DTWD1: variants seen among roughly 807,000 people sequenced by gnomAD.
The protein encoded by DTWD1 is tRNA-uridine aminocarboxypropyltransferase 1.
Under a neutral mutation model 30.2 loss-of-function variants are expected in DTWD1, and 27 were observed. The ratio of observed to expected loss-of-function variants is 0.90; its 90% CI spans 0.66 to 1.23. The LOEUF (loss-of-function observed/expected upper bound fraction) is 1.23, where lower values mean the gene tolerates loss of function less well. DTWD1 is among the 50% of genes most tolerant of loss of function. The probability of loss-of-function intolerance (pLI) is 0.00; values close to 1 mark genes in which losing one functional copy is unlikely to be tolerated. For missense variants in DTWD1, 342 were observed against 348.8 expected (o/e 0.98, Z 0.15); for synonymous variants, 99 against 113.1 (o/e 0.88, Z 0.79).
At chr15:49,624,605 C>T (rs1022418648) in intron 1 of DTWD1, among the ~76,000 whole-genome samples, 1 of 151,882 alleles carries the variant, frequency 6.6e-6, no homozygotes, top group Non-Finnish European at 1.5e-5. Context: ...TAGTAGATGC[C>T]TCTTATTTTT....
rs1222514505 is a variant in DTWD1 at position 49,645,854 on chromosome 15, T to C, written c.*2276T>C. 6.6e-6 allele frequency: 1 copy of C among 152,184 alleles called. No individual in the cohort carries two copies. The highest frequency in any genetic ancestry group is 1.5e-5 in the Non-Finnish European group (1 of 68,038). The allele number at this position is 152,184 out of a possible 1,614,324, so 9.4% of individuals were successfully genotyped here. On this transcript the variant is annotated 3_prime_UTR_variant, in exon 5 of 5. Coordinates refer to ENST00000403028, the MANE Select transcript of DTWD1 (RefSeq NM_001144955.2). ...TATTAGAACAATGAATTGACTATAC[T>C]TGTCTTAGTTTTTTTTGTTTGTTTT...
At chr15:49,634,420 C>A in intron 3 of DTWD1, 116 bp from the exon 4 acceptor site, 1 of 1,219,622 alleles carries the variant, frequency 8.2e-7, no homozygotes, top group Non-Finnish European at 1.1e-6. Context: ...TAGAACCAAC[C>A]TAATGCTTAT....
chr15:49,631,093 T>A (rs1266312882), intron 2 of DTWD1: 1 of 291,622 alleles, frequency 3.4e-6, no homozygotes, highest in African/African-American at 2.2e-5. Context: ...TATATTATAA[T>A]GTAATAATAA....
intron 4 of DTWD1, among the ~76,000 whole-genome samples, chr15:49,636,131 A>T (rs2078999387): frequency 6.6e-6 from 1 of 152,146 alleles, no homozygotes; most frequent in Admixed American, 6.5e-5. Flanking sequence ...TGGCTTTCTC[A>T]CACAAAATAA....
Position 49,634,796 on chromosome 15 carries a change from T to TAA in DTWD1, c.667+11_667+12dup. On this transcript the variant is annotated splice_region_variant and intron_variant, in intron 4 of 4. Coordinates refer to ENST00000403028, the MANE Select transcript of DTWD1 (RefSeq NM_001144955.2). Reference sequence around the variant, plus strand: ...TATTCACTGATGAGCGACTTCAAGGTAAAAAAAAAATGTTTTTTTGGACTG... The same window carrying TAA: ...TATTCACTGATGAGCGACTTCAAGGTAAAAAAAAAAAATGTTTTTTTGGACTG... The TAA allele has an allele frequency of 1.4e-6, 2 of 1,443,138 alleles. No homozygotes were observed. The highest frequency in any genetic ancestry group is 1.4e-5 in the South Asian group (1 of 71,684). The allele number at this position is 1,443,138 out of a possible 1,614,324, so 89.4% of individuals were successfully genotyped here.
chr15:49,621,798 A>T lies in DTWD1; in HGVS notation c.-56+676A>T, dbSNP rs547338180. Among the ~76,000 whole-genome samples, 70 of 152,264 alleles carry T rather than the reference A, an allele frequency of 4.6e-4. 1 individual carries two copies. Among genetic ancestry groups the T allele is most frequent in the Admixed American group, 3.6e-3 (55 of 15,300 alleles). ...TGGTGTGGGAGAGGCCATTGATCCT[A>T]TATGAAAAAGGGTACTACTACCTTG... is the stretch of plus-strand genomic sequence containing the variant. On this transcript the variant is annotated intron_variant, in intron 1 of 4. Coordinates refer to ENST00000403028, the MANE Select transcript of DTWD1 (RefSeq NM_001144955.2).
At position 49,644,471 on chromosome 15, in the gene DTWD1, C is replaced by T. The variant is rs1289162633; in HGVS notation, c.*893C>T. ...TGCTTGTGAATAGAGCCCTACTGTG[C>T]TGAATAGCTTCTGTCTGCTCTTTTC... On this transcript the variant is annotated 3_prime_UTR_variant, in exon 5 of 5. Coordinates refer to ENST00000403028, the MANE Select transcript of DTWD1 (RefSeq NM_001144955.2). The T allele has an allele frequency of 6.6e-6, 1 of 152,176 alleles. No homozygotes were observed. Among genetic ancestry groups the T allele is most frequent in the East Asian group, 1.9e-4 (1 of 5,180 alleles). 9.4% of individuals were successfully genotyped at this position (152,176 alleles called of 1,614,324 possible).
At chr15:49,629,350 TAAAA>T (rs879398105) in intron 2 of DTWD1, among the ~76,000 whole-genome samples, 2 of 152,108 alleles carry the variant, frequency 1.3e-5, no homozygotes, top group African/African-American at 4.8e-5. Flanking sequence ...ATCATATAAT[TAAAA>T]AAATAGGCTA....
At chr15:49,626,402 G>A (rs1328434247) in intron 2 of DTWD1, among the ~76,000 whole-genome samples, 5 of 151,954 alleles carry the variant, frequency 3.3e-5, no homozygotes, top group African/African-American at 7.3e-5. Flanking sequence ...TTTTAAGCCC[G>A]ATTTGATTGC....
At position 49,625,387 on chromosome 15, in the gene DTWD1, G is replaced by A; in HGVS notation, c.220G>A (p.Val74Ile). The A allele has an allele frequency of 6.2e-7, 1 of 1,613,734 alleles. No individual in the cohort carries two copies. Among genetic ancestry groups the A allele is most frequent in the Middle Eastern group, 1.7e-4 (1 of 6,058 alleles). The change falls in exon 2 of 5, where the codon GTT (valine) becomes ATT (isoleucine). Residue 74 changes from valine (V) to isoleucine (I), a missense_variant. Coordinates refer to ENST00000403028, the MANE Select transcript of DTWD1 (RefSeq NM_001144955.2). ...AATGTTCTACTGCTATACATGTTAT[G>A]TTCCAGTTGAAAATGTACCTATTGA... ...SRMFYCYTCY[V>I]PVENVPIEQI...
At position 49,644,660 on chromosome 15, in the gene DTWD1, T is replaced by C. The variant is rs1250854057; in HGVS notation, c.*1082T>C. On this transcript the variant is annotated 3_prime_UTR_variant, in exon 5 of 5. Coordinates refer to ENST00000403028, the MANE Select transcript of DTWD1 (RefSeq NM_001144955.2). ...CTGCCATGTCATCATCAGTTGGCTGTGTTCCTCTACTAAATAGTACCTTAT... is the reference window on the plus strand; with the variant it reads ...CTGCCATGTCATCATCAGTTGGCTGCGTTCCTCTACTAAATAGTACCTTAT... The C allele has an allele frequency of 1.3e-5, 2 of 152,190 alleles. No homozygotes were observed. Among genetic ancestry groups the C allele is most frequent in the Non-Finnish European group, 2.9e-5 (2 of 68,058 alleles). The allele number at this position is 152,190 out of a possible 1,614,324, so 9.4% of individuals were successfully genotyped here.
At chr15:49,633,060 T>TATATATATATAG (rs963346962) in intron 3 of DTWD1, among the ~76,000 whole-genome samples, 21 of 146,246 alleles carry the variant, frequency 1.4e-4, no homozygotes, top group South Asian at 2.1e-4. Context: ...TATATATATA[T>TATATATATATAG]ATATATATAT....
intron 2 of DTWD1, among the ~76,000 whole-genome samples, chr15:49,631,598 A>G (rs776595227): frequency 6.6e-6 from 1 of 152,048 alleles, no homozygotes; most frequent in African/African-American, 2.4e-5. Context: ...ACCTGTCTCT[A>G]CTAAAAAAAT....
In DTWD1 at chr15:49,646,658, G is replaced by A. The variant is rs188844440; in HGVS notation, c.*3080G>A. 20 of 152,254 alleles carry A rather than the reference G, an allele frequency of 1.3e-4. No individual in the cohort carries two copies. Among genetic ancestry groups the A allele is most frequent in the Admixed American group, 7.2e-4 (11 of 15,282 alleles). The allele number at this position is 152,254 out of a possible 1,614,324, so 9.4% of individuals were successfully genotyped here. On this transcript the variant is annotated 3_prime_UTR_variant, in exon 5 of 5. Coordinates refer to ENST00000403028, the MANE Select transcript of DTWD1 (RefSeq NM_001144955.2). The stretch of plus-strand genomic sequence containing the variant: ...TGCTCTTCTTCTGATGGACTGTATA[G>A]AGACACTGTTTTTCATCTTGCCTGT...
Position 49,645,226 on chromosome 15 carries a change from A to G in DTWD1, c.*1648A>G, listed in dbSNP as rs1357901155. The G allele has an allele frequency of 6.6e-6, 1 of 152,176 alleles. No homozygotes were observed. The highest frequency in any genetic ancestry group is 1.5e-5 in the Non-Finnish European group (1 of 68,016). The allele number at this position is 152,176 out of a possible 1,614,324, so 9.4% of individuals were successfully genotyped here. A position where few individuals can be genotyped will look rare whatever the true frequency, so the allele number is the denominator to read the frequency against. ...GACGTTTGGAGTATTGTAATTAAGA[A>G]CAATTCCTATTAATATACATGGGGC... On this transcript the variant is annotated 3_prime_UTR_variant, in exon 5 of 5. Coordinates refer to ENST00000403028, the MANE Select transcript of DTWD1 (RefSeq NM_001144955.2).
intron 3 of DTWD1, 39 bp from the exon 4 acceptor site, chr15:49,634,497 C>A: frequency 6.5e-7 from 1 of 1,531,280 alleles, no homozygotes; most frequent in Non-Finnish European, 8.7e-7. Context: ...TTTTGAAGAT[C>A]ATAGTAGCAC....
intron 3 of DTWD1, among the ~76,000 whole-genome samples, chr15:49,633,059 A>ATATATATATATC (rs1292519722): frequency 2.1e-5 from 3 of 145,242 alleles, no homozygotes; most frequent in Non-Finnish European, 4.6e-5. Context: ...CTATATATAT[A>ATATATATATATC]TATATATATA....
At position 49,647,485 on chromosome 15, in the gene DTWD1, A is replaced by C. The variant is rs1487461833; in HGVS notation, c.*3907A>C. On this transcript the variant is annotated 3_prime_UTR_variant, in exon 5 of 5. Coordinates refer to ENST00000403028, the MANE Select transcript of DTWD1 (RefSeq NM_001144955.2). ...TGACAGAATAAGCTGACTGTTATTAAGTACAATAGATAAGGTACCTAAGAG... is the reference window on the plus strand; with the variant it reads ...TGACAGAATAAGCTGACTGTTATTACGTACAATAGATAAGGTACCTAAGAG... The C allele has an allele frequency of 6.6e-6, 1 of 152,202 alleles. No individual in the cohort carries two copies. Among genetic ancestry groups the C allele is most frequent in the East Asian group, 1.9e-4 (1 of 5,190 alleles). The allele number at this position is 152,202 out of a possible 1,614,324, so 9.4% of individuals were successfully genotyped here.
chr15:49,636,990 C>T (rs1265998751), intron 4 of DTWD1, among the ~76,000 whole-genome samples: 2 of 151,890 alleles, frequency 1.3e-5, no homozygotes, highest in Non-Finnish European at 2.9e-5. Flanking sequence ...AACTTTTCAC[C>T]AGTGATTTTA....
Sources: allele counts gnomAD v4.1 joint callset (sites outside exome capture counted in the v4.1 genomes callset), GRCh38; gene constraint gnomAD v4.1.1; transcripts MANE v1.5; gene names NCBI Gene and HGNC (gene_info 2026-07-23, HGNC 2026-07-21).